Variants in GLRA1 observed in about 807,000 individuals in gnomAD.
GLRA1 encodes the protein glycine receptor subunit alpha-1.
In GLRA1, 37 loss-of-function variants were observed where a neutral mutation model predicts 48.3. That is an observed-to-expected ratio of 0.77 (90% CI 0.59 to 1.01). The LOEUF is 1.01. GLRA1 is among the 50% of genes least tolerant of loss of function. The pLI is 0.00. For synonymous variants in GLRA1, 196 were observed against 210.7 expected (o/e 0.93, Z 0.60); for missense variants, 427 against 571.0 (o/e 0.75, Z 2.57).
At position 151,859,883 on chromosome 5, in the gene GLRA1, C is replaced by T. The variant is rs747286269; in HGVS notation, c.378G>A (p.Leu126=). Residue 126 remains leucine, a synonymous_variant, in exon 4 of 9, where the codon CTG becomes CTA. Coordinates refer to ENST00000274576, the MANE Select transcript of GLRA1 (RefSeq NM_000171.4). ...SMLDSIWKPD[L]FFANEKGAHF... ...GGGCCCCCTTCTCGTTGGCAAAGAA[C>T]AGGTCAGGTTTCCAGATGGAGTCCA... 2 of 1,613,922 alleles carry T rather than the reference C, an allele frequency of 1.2e-6. No homozygotes were observed. The highest frequency in any genetic ancestry group is 8.5e-7 in the Non-Finnish European group (1 of 1,179,954).
intron 1 of GLRA1, among the ~76,000 whole-genome samples, chr5:151,909,674 A>G (rs1046740394): frequency 1.3e-5 from 2 of 152,202 alleles, no homozygotes; most frequent in Non-Finnish European, 1.5e-5. Context: ...AAAATAAGAG[A>G]AAATTATCCT....
At chr5:151,896,571 C>A (rs1754231813) in intron 1 of GLRA1, among the ~76,000 whole-genome samples, 3 of 152,194 alleles carry the variant, frequency 2.0e-5, no homozygotes, top group Non-Finnish European at 4.4e-5. Context: ...TAGTTGTGAA[C>A]TACCCGGTAA....
rs374606927 is a variant in GLRA1 at position 151,919,759 on chromosome 5, C to A, written c.56+4735G>T. ...ATAGAACCCTCTCAAGGTCATGCCA[C>A]TAGCTAAATTCTGGATCCTAGGTCT... On this transcript the variant is annotated intron_variant, in intron 1 of 8. Coordinates refer to ENST00000274576, the MANE Select transcript of GLRA1 (RefSeq NM_000171.4). Among the ~76,000 whole-genome samples the A allele has an allele frequency of 4.6e-5, 7 of 152,328 alleles. No individual in the cohort carries two copies. The East Asian group carries it at 9.7e-4, about 21-fold the overall frequency.
chr5:151,835,964 G>A (rs4492102), intron 7 of GLRA1, among the ~76,000 whole-genome samples: 67,772 of 151,992 alleles, frequency 0.45, 15,542 homozygotes, highest in African/African-American at 0.56. Flanking sequence ...GGCCAGGGCA[G>A]TCAGGCAAGA....
rs759877045 is a variant in GLRA1, at chr5:151,855,020, AG to A, written c.697+19del. 1 of 1,613,268 alleles carries A rather than the reference AG, an allele frequency of 6.2e-7. No individual in the cohort carries two copies. The highest frequency in any genetic ancestry group is 1.3e-5 in the African/African-American group (1 of 75,006). On this transcript the variant is annotated intron_variant, in intron 6 of 8. Coordinates refer to ENST00000274576, the MANE Select transcript of GLRA1 (RefSeq NM_000171.4). ...CCTGGTTGGGGGGTGGGATCTGAGG[AG>A]GGTGGCCCTTGTACCTACCTGTGTT...
chr5:151,895,621 GTGTC>G (rs1472556600), intron 1 of GLRA1, among the ~76,000 whole-genome samples: 44 of 129,128 alleles, frequency 3.4e-4, no homozygotes, highest in Non-Finnish European at 6.5e-4. Flanking sequence ...TGGTGTGTGT[GTGTC>G]TGTGTGTGTG....
chr5:151,903,168 G>T (rs936264760), intron 1 of GLRA1, among the ~76,000 whole-genome samples: 1 of 152,200 alleles, frequency 6.6e-6, no homozygotes, highest in Non-Finnish European at 1.5e-5. Context: ...TAGGAGTGGA[G>T]CTGGGATGTG....
intron 1 of GLRA1, among the ~76,000 whole-genome samples, chr5:151,911,765 C>T (rs1754617310): frequency 6.6e-6 from 1 of 152,028 alleles, no homozygotes; most frequent in Admixed American, 6.6e-5. Flanking sequence ...GCCACCGCAC[C>T]TGGCTAATTT....
intron 7 of GLRA1, among the ~76,000 whole-genome samples, chr5:151,840,245 C>T (rs1255732786): frequency 2.0e-5 from 3 of 152,026 alleles, no homozygotes; most frequent in Non-Finnish European, 4.4e-5. Context: ...AGCTGTATGC[C>T]ATTCCATCCA....
chr5:151,843,437 A>G (rs754495981), intron 7 of GLRA1, among the ~76,000 whole-genome samples: 2 of 151,670 alleles, frequency 1.3e-5, no homozygotes, highest in Non-Finnish European at 1.5e-5. Context: ...ATATTTTTGT[A>G]TTTTTAGTAG....
At chr5:151,909,774 T>A (rs900120165) in intron 1 of GLRA1, among the ~76,000 whole-genome samples, 4 of 152,212 alleles carry the variant, frequency 2.6e-5, no homozygotes, top group Non-Finnish European at 5.9e-5. Flanking sequence ...CTTGGAATTC[T>A]CAGTTCTTGT....
chr5:151,851,334 G>A (rs2113343113), intron 7 of GLRA1, 56 bp downstream of exon 7: 2 of 1,122,406 alleles, frequency 1.8e-6, no homozygotes, highest in East Asian at 4.7e-5. Flanking sequence ...GAGCAAGGAA[G>A]TAGGTGCTGT....
intron 3 of GLRA1, among the ~76,000 whole-genome samples, chr5:151,867,447 A>G (rs960292696): frequency 6.6e-6 from 1 of 152,168 alleles, no homozygotes; most frequent in Admixed American, 6.5e-5. Flanking sequence ...TGGGGGTAAA[A>G]GGAATCTCAT....
intron 3 of GLRA1, among the ~76,000 whole-genome samples, chr5:151,868,796 G>T (rs1398376910): frequency 6.6e-6 from 1 of 152,198 alleles, no homozygotes; most frequent in Non-Finnish European, 1.5e-5. Context: ...TTGATCTGCT[G>T]TCTGCTCTAT....
intron 1 of GLRA1, 58 bp from the exon 2 acceptor site, chr5:151,892,496 C>G: frequency 6.3e-7 from 1 of 1,592,826 alleles, no homozygotes; most frequent in South Asian, 1.1e-5. Flanking sequence ...ATGCTGTGAT[C>G]AGATCCCAGC....
chr5:151,882,722 G>GTTT (rs76044459), intron 3 of GLRA1, among the ~76,000 whole-genome samples: 1 of 140,290 alleles, frequency 7.1e-6, no homozygotes, highest in African/African-American at 2.6e-5. Context: ...AATTTCTTAA[G>GTTT]TTTTTTTTTT....
rs576930869 is a variant in GLRA1, at chr5:151,879,310, C to T, written c.252+7411G>A. On this transcript the variant is annotated intron_variant, in intron 3 of 8. Coordinates refer to ENST00000274576, the MANE Select transcript of GLRA1 (RefSeq NM_000171.4). ...TCCAATACCTGTACCCCCATTGTAT[C>T]TAGGAAGTAACTAACTTCCTTTTTT... Among the ~76,000 whole-genome samples, 333 of 148,248 alleles carry T rather than the reference C, an allele frequency of 2.2e-3. 1 individual carries two copies. The highest frequency in any genetic ancestry group is 7.9e-3 in the African/African-American group (319 of 40,202).
chr5:151,824,697 C>T (rs1315827856), intron 8 of GLRA1, among the ~76,000 whole-genome samples: 2 of 152,136 alleles, frequency 1.3e-5, no homozygotes, highest in African/African-American at 2.4e-5. Flanking sequence ...AGGCTAGCCG[C>T]TCCTGCTGTG....
intron 1 of GLRA1, among the ~76,000 whole-genome samples, chr5:151,909,993 C>T (rs545395478): frequency 6.6e-6 from 1 of 152,234 alleles, no homozygotes; most frequent in African/African-American, 2.4e-5. Flanking sequence ...CCATCCATCA[C>T]GTTGTTCTGA....
Sources: gnomAD v4.1 joint callset for allele counts (sites outside exome capture counted in the v4.1 genomes callset) on GRCh38, gnomAD v4.1.1 for gene constraint, MANE v1.5 for transcripts, NCBI Gene and HGNC (gene_info 2026-07-23, HGNC 2026-07-21) for gene names.